Variants in CNNM2 observed in about 807,000 individuals in gnomAD.
CNNM2 encodes metal transporter CNNM2.
In CNNM2, 12 loss-of-function variants were observed where a neutral mutation model predicts 66.9. The ratio of observed to expected loss-of-function variants is 0.18; its 90% CI spans 0.11 to 0.29. The LOEUF is 0.29. CNNM2 is among the 10% of genes least tolerant of loss of function. CNNM2 has a pLI of 1.00. For missense variants in CNNM2, 705 were observed against 1,167.7 expected, an observed-to-expected ratio of 0.60 and a Z score of 5.77; for synonymous variants, 557 against 501.8, an observed-to-expected ratio of 1.11 and a Z score of -1.47.
intron 1 of CNNM2, among the ~76,000 whole-genome samples, chr10:103,013,311 G>A (rs1029835636): frequency 1.4e-4 from 21 of 152,032 alleles, no homozygotes; most frequent in African/African-American, 4.6e-4. Context: ...TCTTCTTCAC[G>A]AGTTCTTGGA....
At chr10:103,026,601 CA>C (rs887780071) in intron 1 of CNNM2, among the ~76,000 whole-genome samples, 3,851 of 64,924 alleles carry the variant, frequency 0.059, 30 homozygotes, top group South Asian at 0.1. Flanking sequence ...ACCTTGTCTT[CA>C]AAAAAAAAAA....
At chr10:102,967,734 C>T (rs191901070) in intron 1 of CNNM2, among the ~76,000 whole-genome samples, 2 of 152,280 alleles carry the variant, frequency 1.3e-5, no homozygotes, top group African/African-American at 4.8e-5. Flanking sequence ...CAAGGCTGGG[C>T]GCGGGAGCTC....
chr10:102,950,165 T>C (rs1166279702), intron 1 of CNNM2, among the ~76,000 whole-genome samples: 1 of 152,210 alleles, frequency 6.6e-6, no homozygotes, highest in Non-Finnish European at 1.5e-5. Context: ...TTAATCATTA[T>C]GTGGTAATAT....
chr10:103,068,658 A>C lies in CNNM2; in HGVS notation c.2103A>C (p.Glu701Asp). ...QGKVEVEAGKEGMKFEASAFS... is the reference protein window; with the variant it reads ...QGKVEVEAGKDGMKFEASAFS... ...AAGTGGAAGTTGAAGCTGGGAAAGA[A>C]GGTATGAAGTTTGAAGCGAGCGCCT... The change falls in exon 5 of 8, where the codon GAA (glutamate) becomes GAC (aspartate). Residue 701 changes from glutamate to aspartate, a missense_variant. Glu to Asp is a conservative substitution (Grantham distance 45). Coordinates refer to ENST00000369878, the MANE Select transcript of CNNM2 (RefSeq NM_017649.5). The C allele has an allele frequency of 6.2e-7, 1 of 1,613,086 alleles. No individual in the cohort carries two copies. Among genetic ancestry groups the C allele is most frequent in the Non-Finnish European group, 8.5e-7 (1 of 1,179,570 alleles).
chr10:102,947,454 GA>G (rs34957371), intron 1 of CNNM2, among the ~76,000 whole-genome samples: 61,825 of 151,872 alleles, frequency 0.41, 12,796 homozygotes, highest in East Asian at 0.56. Context: ...GAAAAATGAA[GA>G]AAAAAAACCA....
intron 2 of CNNM2, among the ~76,000 whole-genome samples, chr10:103,052,343 G>A (rs1205228239): frequency 6.6e-6 from 1 of 151,152 alleles, no homozygotes; most frequent in African/African-American, 2.4e-5. Context: ...TTGCCCAGGG[G>A]TAGTACTTAC....
chr10:103,002,865 A>G lies in CNNM2; in HGVS notation c.1622-46842A>G, dbSNP rs72847301. On this transcript the variant is annotated intron_variant, in intron 1 of 7. Transcript: ENST00000369878. ...TTGGCAGTTACTCCAAATGCTAAAC[A>G]TAGATTTACCATATGACCCTGCAAT... is the stretch of plus-strand genomic sequence containing the variant. Among the ~76,000 whole-genome samples, 2,682 of 152,302 alleles carry G rather than the reference A, an allele frequency of 0.018. 25 individuals carry two copies. Among genetic ancestry groups the G allele is most frequent in the Non-Finnish European group, 0.026 (1,741 of 68,034 alleles).
chr10:103,050,478 A>G (rs1259419206), intron 2 of CNNM2, among the ~76,000 whole-genome samples: 1 of 151,862 alleles, frequency 6.6e-6, no homozygotes, highest in Non-Finnish European at 1.5e-5. Flanking sequence ...CAGAGGTTGC[A>G]GTGAGCCAAG....
chr10:102,976,630 T>A (rs1366373354), intron 1 of CNNM2, among the ~76,000 whole-genome samples: 3 of 120,672 alleles, frequency 2.5e-5, no homozygotes, highest in Non-Finnish European at 5.3e-5. Context: ...TTTTTTTTTT[T>A]TTTTTTTTTG....
chr10:102,988,313 A>G (rs763399967), intron 1 of CNNM2, among the ~76,000 whole-genome samples: 68 of 152,038 alleles, frequency 4.5e-4, no homozygotes, highest in South Asian at 8.3e-4. Flanking sequence ...AAAAATAATA[A>G]TAGAAATATT....
At chr10:102,920,489 T>A (rs922250571) in intron 1 of CNNM2, among the ~76,000 whole-genome samples, 23 of 152,106 alleles carry the variant, frequency 1.5e-4, no homozygotes, top group Non-Finnish European at 1.0e-4. Flanking sequence ...TGCCATGCCA[T>A]TTGGTGGACT....
chr10:103,065,438 G>A (rs1473165051), intron 4 of CNNM2, among the ~76,000 whole-genome samples: 4 of 152,168 alleles, frequency 2.6e-5, no homozygotes, highest in Non-Finnish European at 5.9e-5. Context: ...ACCACCGCAC[G>A]CTTCCAAGAG....
intron 1 of CNNM2, among the ~76,000 whole-genome samples, chr10:102,955,682 AAAAC>A (rs770858952): frequency 2.4e-4 from 36 of 152,326 alleles, no homozygotes; most frequent in East Asian, 1.9e-3. Context: ...TTACAAGAAA[AAAAC>A]AAACAACCCC....
chr10:103,028,598 G>A (rs2064753225), intron 1 of CNNM2, among the ~76,000 whole-genome samples: 1 of 151,960 alleles, frequency 6.6e-6, no homozygotes, highest in African/African-American at 2.4e-5. Context: ...TTATGTACAA[G>A]GCCTTAGATT....
At chr10:102,997,145 T>C (rs2064018928) in intron 1 of CNNM2, among the ~76,000 whole-genome samples, 1 of 152,230 alleles carries the variant, frequency 6.6e-6, no homozygotes, top group Admixed American at 6.5e-5. Flanking sequence ...CATTTAGCTC[T>C]ACATTTGATG....
chr10:102,970,006 A>C (rs887350319), intron 1 of CNNM2, among the ~76,000 whole-genome samples: 8 of 152,212 alleles, frequency 5.3e-5, no homozygotes, highest in Admixed American at 4.6e-4. Flanking sequence ...TCCAGACACT[A>C]TTTTATTAGA....
Position 103,054,353 on chromosome 10 carries a change from T to C in CNNM2, c.1790T>C (p.Val597Ala). Residue 597 changes from valine (V) to alanine (A), a missense_variant, in exon 3 of 8, where the codon GTG becomes GCG. Physicochemically the swap from Val to Ala is moderately conservative, Grantham distance 64. Coordinates refer to ENST00000369878, the MANE Select transcript of CNNM2 (RefSeq NM_017649.5). This position sits in a 1 kb window ranked among gnomAD's most constrained non-coding sequence, Gnocchi z 5.2. ...LYTDNRTKKK[V>A]AHRERKQDFS... ...GCTGACAACAGAACGAAAAAGAAAG[T>C]GGCTCACCGGGAACGAAAGCAAGAT... is the stretch of plus-strand genomic sequence containing the variant. 6.2e-7 allele frequency: 1 copy of C among 1,613,922 alleles called. No individual in the cohort carries two copies. The highest frequency in any genetic ancestry group is 8.5e-7 in the Non-Finnish European group (1 of 1,179,856).
At chr10:102,966,115 G>C (rs1260236033) in intron 1 of CNNM2, among the ~76,000 whole-genome samples, 1 of 152,114 alleles carries the variant, frequency 6.6e-6, no homozygotes, top group Non-Finnish European at 1.5e-5. Flanking sequence ...TTTATATTCA[G>C]TTGTCAAATT....
chr10:103,088,606 C>T lies in CNNM2; in HGVS notation c.*11426C>T, dbSNP rs924206692. On this transcript the variant is annotated 3_prime_UTR_variant, in exon 8 of 8. Transcript: ENST00000369878. Reference sequence around the variant, plus strand: ...TTCTCCATGTTGGTAAGGCTGGTCTCGAACTCCCGACCTCAGGTGATCCGC... The same window carrying T: ...TTCTCCATGTTGGTAAGGCTGGTCTTGAACTCCCGACCTCAGGTGATCCGC... 6.2e-5 allele frequency: 10 copies of T among 160,420 alleles called. No individual in the cohort carries two copies. The highest frequency in any genetic ancestry group is 1.3e-4 in the Admixed American group (2 of 15,438). 9.9% of individuals were successfully genotyped at this position (160,420 alleles called of 1,614,324 possible). A position where few individuals can be genotyped will look rare whatever the true frequency, so the allele number is the denominator to read the frequency against.
Sources: allele counts gnomAD v4.1 joint callset (sites outside exome capture counted in the v4.1 genomes callset), GRCh38; gene constraint gnomAD v4.1.1; non-coding constraint Gnocchi (gnomAD v3.1); transcripts MANE v1.5; gene names NCBI Gene and HGNC (gene_info 2026-07-23, HGNC 2026-07-21).